The following LMTK2 variants were observed in gnomAD, a reference collection of about 807,000 sequenced individuals.
LMTK2 encodes serine/threonine-protein kinase LMTK2.
A neutral mutation model predicts 127.5 loss-of-function variants in LMTK2; 37 were observed. The ratio of observed to expected loss-of-function variants is 0.29; its 90% CI spans 0.22 to 0.38. LMTK2 has a LOEUF of 0.38. LMTK2 is among the 10% of genes least tolerant of loss of function. The pLI, the probability that LMTK2 is intolerant of heterozygous loss-of-function variation, is 1.00. For missense variants in LMTK2, 1,694 were observed against 1,920.3 expected (o/e 0.88, Z 2.20); for synonymous variants, 819 against 810.1 (o/e 1.01, Z -0.19).
chr7:98,121,126 A>C (rs1467714941), intron 1 of LMTK2, among the ~76,000 whole-genome samples: 5 of 152,116 alleles, frequency 3.3e-5, no homozygotes, highest in African/African-American at 1.2e-4. Context: ...TGAGGGTCCT[A>C]AGGTCCAGGC....
At chr7:98,198,451 A>G (rs541945213) in intron 11 of LMTK2, among the ~76,000 whole-genome samples, 1 of 152,158 alleles carries the variant, frequency 6.6e-6, no homozygotes, top group Admixed American at 6.5e-5. Flanking sequence ...GGCCTCCCAG[A>G]GTGCTGGGAT....
rs1215794828 is a variant in LMTK2 at position 98,193,883 on chromosome 7, G to GT, written c.3419dup (p.Leu1141ProfsTer11). On this transcript the variant is annotated frameshift_variant, in exon 11 of 14. Transcript: ENST00000297293. LOFTEE classifies it high-confidence loss of function. This position sits in a 1 kb window ranked among gnomAD's most constrained non-coding sequence, Gnocchi z 4.1. The stretch of plus-strand genomic sequence containing the variant: ...ACAGGAGCAGCCCCTACCCGAGCCA[G>GT]TCCTCCCCGAGCAAAGTCCTGCTGC... 6.2e-7 allele frequency: 1 copy of GT among 1,614,092 alleles called. No individual in the cohort carries two copies. Among genetic ancestry groups the GT allele is most frequent in the East Asian group, 2.2e-5 (1 of 44,874 alleles).
chr7:98,209,386 C>T lies in LMTK2; in HGVS notation c.*3894C>T, dbSNP rs1257300836. On this transcript the variant is annotated 3_prime_UTR_variant, in exon 14 of 14. Transcript: ENST00000297293. ...ATCATGGGGCTGGTGTATGGATCCA[C>T]CGTCGGATTCCGTCTGCAGAGGAGG... 6.6e-6 allele frequency: 1 copy of T among 152,196 alleles called. No homozygotes were observed. The highest frequency in any genetic ancestry group is 2.4e-5 in the African/African-American group (1 of 41,442). The allele number at this position is 152,196 out of a possible 1,614,324, so 9.4% of individuals were successfully genotyped here. A position where few individuals can be genotyped will look rare whatever the true frequency, so the allele number is the denominator to read the frequency against.
At chr7:98,145,016 T>C (rs1231286051) in intron 3 of LMTK2, among the ~76,000 whole-genome samples, 1 of 152,216 alleles carries the variant, frequency 6.6e-6, no homozygotes, top group African/African-American at 2.4e-5. Context: ...CTGGTATCCG[T>C]AGAATACATT....
chr7:98,196,189 G>GA lies in LMTK2; in HGVS notation c.4107+1633dup, dbSNP rs1414467101. ...GGGTGACAGAGTGAGACCTGTCTCA[G>GA]AAAAAAAAAAAAAAAAGCAGCCTCC... On this transcript the variant is annotated intron_variant, in intron 11 of 13. Coordinates refer to ENST00000297293, the MANE Select transcript of LMTK2 (RefSeq NM_014916.4). Among the ~76,000 whole-genome samples, 1,130 of 114,264 alleles carry GA rather than the reference G, an allele frequency of 9.9e-3. 18 individuals carry two copies. Among genetic ancestry groups the GA allele is most frequent in the African/African-American group, 0.025 (769 of 31,096 alleles). 75.0% of individuals were successfully genotyped at this position (114,264 alleles called of 152,430 possible).
intron 2 of LMTK2, among the ~76,000 whole-genome samples, chr7:98,138,446 T>C (rs961573042): frequency 1.3e-5 from 2 of 152,152 alleles, no homozygotes; most frequent in Admixed American, 1.3e-4. Context: ...GCACTGGCCG[T>C]ATACACACAG....
At chr7:98,185,732 CTTT>C (rs200304210) in intron 8 of LMTK2, among the ~76,000 whole-genome samples, 2 of 144,272 alleles carry the variant, frequency 1.4e-5, no homozygotes, top group Admixed American at 6.9e-5. Context: ...CTTTTCCTTT[CTTT>C]TTTTTTTTTT....
chr7:98,204,077 G>C lies in LMTK2; in HGVS notation c.4374G>C (p.Thr1458=), dbSNP rs542059077. The part of the protein sequence containing the change: ...YFSPPPPARS[T]EQSWPHSAPY... ...CTCCGCCGCCACCGGCCCGGAGCAC[G>C]GAGCAGAGCTGGCCGCACTCGGCGC... The change falls in exon 13 of 14, where the codon ACG becomes ACC. Residue 1458 remains threonine, a synonymous_variant. Coordinates refer to ENST00000297293, the MANE Select transcript of LMTK2 (RefSeq NM_014916.4). 2 of 1,613,758 alleles carry C rather than the reference G, an allele frequency of 1.2e-6. No individual in the cohort carries two copies. Among genetic ancestry groups the C allele is most frequent in the Non-Finnish European group, 1.7e-6 (2 of 1,180,048 alleles).
intron 1 of LMTK2, among the ~76,000 whole-genome samples, chr7:98,131,935 CA>C (rs1796525147): frequency 6.6e-6 from 1 of 152,162 alleles, no homozygotes; most frequent in East Asian, 1.9e-4. Context: ...TTTACATTAG[CA>C]GTTCACTTTA....
intron 3 of LMTK2, among the ~76,000 whole-genome samples, chr7:98,146,944 C>T (rs1042786503): frequency 4.6e-5 from 7 of 152,196 alleles, no homozygotes; most frequent in Admixed American, 2.0e-4. Flanking sequence ...ATACTGGCAG[C>T]AAACTCCCTA....
At chr7:98,145,308 A>G (rs1352019214) in intron 3 of LMTK2, among the ~76,000 whole-genome samples, 1 of 152,138 alleles carries the variant, frequency 6.6e-6, no homozygotes, top group Admixed American at 6.6e-5. Flanking sequence ...ACACATACAA[A>G]AAAGGATTTT....
intron 5 of LMTK2, among the ~76,000 whole-genome samples, chr7:98,156,467 A>AC (rs1469729048): frequency 6.7e-6 from 1 of 148,204 alleles, no homozygotes; most frequent in East Asian, 2.0e-4. Context: ...TCCGTCTCCA[A>AC]AAAAAAAAAA....
chr7:98,202,999 G>A (rs985734797), intron 11 of LMTK2, among the ~76,000 whole-genome samples: 2 of 152,180 alleles, frequency 1.3e-5, no homozygotes, highest in East Asian at 1.9e-4. Flanking sequence ...GTCCCCTCCC[G>A]CTCGTGATCA....
intron 6 of LMTK2, among the ~76,000 whole-genome samples, chr7:98,164,625 A>G (rs567279007): frequency 6.6e-6 from 1 of 152,326 alleles, no homozygotes. Context: ...GGTAGTGCGT[A>G]TAGAAGTACG....
At chr7:98,148,323 C>G (rs935806268) in intron 3 of LMTK2, among the ~76,000 whole-genome samples, 9 of 151,608 alleles carry the variant, frequency 5.9e-5, no homozygotes, top group Non-Finnish European at 1.0e-4. Flanking sequence ...AACCCTGTCT[C>G]CACCAAAAAT....
rs1172430134 is a variant in LMTK2 at position 98,206,654 on chromosome 7, G to C, written c.*1162G>C. On this transcript the variant is annotated 3_prime_UTR_variant, in exon 14 of 14. Transcript: ENST00000297293. ...CATCTCCGCAGAGCATACCAGCCGT[G>C]GGGGACCGTTCGACTTGATGATGTG... is the stretch of plus-strand genomic sequence containing the variant. The C allele has an allele frequency of 6.6e-6, 1 of 152,218 alleles. No homozygotes were observed. Among genetic ancestry groups the C allele is most frequent in the Non-Finnish European group, 1.5e-5 (1 of 68,066 alleles). The allele number at this position is 152,218 out of a possible 1,614,324, so 9.4% of individuals were successfully genotyped here. A position where few individuals can be genotyped will look rare whatever the true frequency, so the allele number is the denominator to read the frequency against.
At chr7:98,177,435 G>T (rs576784507) in intron 7 of LMTK2, among the ~76,000 whole-genome samples, 16 of 152,296 alleles carry the variant, frequency 1.1e-4, no homozygotes, top group Admixed American at 2.0e-4. Flanking sequence ...ATGGTGGGGA[G>T]GCCACACAAA....
rs567214169 is a variant in LMTK2, at chr7:98,194,005, G to A, written c.3540G>A (p.Pro1180=). 175 of 1,614,130 alleles carry A rather than the reference G, an allele frequency of 1.1e-4. 2 individuals carry two copies. The South Asian group carries it at 1.6e-3, about 15-fold the overall frequency. Residue 1180 remains proline (P), a synonymous_variant, in exon 11 of 14, where the codon CCG becomes CCA. Transcript: ENST00000297293. This position sits in a 1 kb window ranked among gnomAD's most constrained non-coding sequence, Gnocchi z 5.4. Reference sequence around the variant, plus strand: ...GTGACCTGGAATTAAGAGCCACGCCGGAGCCAGCACAGACTGGTGTTCCCC... The same window carrying A: ...GTGACCTGGAATTAAGAGCCACGCCAGAGCCAGCACAGACTGGTGTTCCCC... ...NSSDLELRAT[P]EPAQTGVPQQ...
rs376715803 is a variant in LMTK2 at position 98,123,124 on chromosome 7, A to G, written c.104-14191A>G. Among the ~76,000 whole-genome samples the G allele has an allele frequency of 6.6e-5, 10 of 152,254 alleles. No individual in the cohort carries two copies. The East Asian group carries it at 1.5e-3, about 23-fold the overall frequency. On this transcript the variant is annotated intron_variant, in intron 1 of 13. Coordinates refer to ENST00000297293, the MANE Select transcript of LMTK2 (RefSeq NM_014916.4). ...CTCCCCATCCCTGCTGCTGGCTCCCAGTGGCAACGCCCTGCAGCTCTTTTA... is the reference window on the plus strand; with the variant it reads ...CTCCCCATCCCTGCTGCTGGCTCCCGGTGGCAACGCCCTGCAGCTCTTTTA...
Sources: allele counts gnomAD v4.1 joint callset (sites outside exome capture counted in the v4.1 genomes callset), GRCh38; gene constraint gnomAD v4.1.1; non-coding constraint Gnocchi (gnomAD v3.1); transcripts MANE v1.5; gene names NCBI Gene and HGNC (gene_info 2026-07-23, HGNC 2026-07-21).